The following COL12A1 variants were observed in gnomAD, a reference collection of about 807,000 sequenced individuals.
The protein encoded by COL12A1 is collagen alpha-1(XII) chain.
Under a neutral mutation model 349.7 loss-of-function variants are expected in COL12A1, and 114 were observed. The observed-to-expected ratio is 0.33, with a 90% CI of 0.28 to 0.38. COL12A1 has a LOEUF of 0.38. Ranked by LOEUF, COL12A1 falls within the 10% of genes least tolerant of loss-of-function variation. The probability of loss-of-function intolerance (pLI) is 1.00; values close to 1 mark genes in which losing one functional copy is unlikely to be tolerated. For missense variants in COL12A1, 3,284 were observed against 3,756.9 expected (o/e 0.87, Z 3.29); for synonymous variants, 1,369 against 1,329.0 (o/e 1.03, Z -0.66).
rs2149415452 is a variant in COL12A1 at position 75,151,252 on chromosome 6, T to C, written c.4036A>G (p.Ile1346Val). 1 of 1,613,354 alleles carries C rather than the reference T, an allele frequency of 6.2e-7. No homozygotes were observed. Among genetic ancestry groups the C allele is most frequent in the South Asian group, 1.1e-5 (1 of 91,058 alleles). Residue 1346 changes from isoleucine to valine, a missense_variant, in exon 21 of 66, where the codon ATT becomes GTT. Ile to Val is a conservative substitution (Grantham distance 29). Coordinates refer to ENST00000322507, the MANE Select transcript of COL12A1 (RefSeq NM_004370.6). ...KNADEVELKM[I>V]ATDPDDTHAY... ...TGGGTATCATCAGGATCAGTTGCAATCATCTTTAATTCGACTTCATCAGCA... is the reference window on the plus strand; with the variant it reads ...TGGGTATCATCAGGATCAGTTGCAACCATCTTTAATTCGACTTCATCAGCA...
intron 28 of COL12A1, 53 bp from the exon 29 acceptor site, chr6:75,138,633 A>G: frequency 6.2e-7 from 1 of 1,603,448 alleles, no homozygotes; most frequent in Non-Finnish European, 8.5e-7. Flanking sequence ...CTCCACTTAC[A>G]TCATACACAC....
intron 26 of COL12A1, among the ~76,000 whole-genome samples, chr6:75,142,493 T>A (rs1766949566): frequency 6.6e-6 from 1 of 152,238 alleles, no homozygotes; most frequent in Admixed American, 6.5e-5. Context: ...CAGCATTACT[T>A]CATTTGCTAT....
In COL12A1 at chr6:75,169,499, C is replaced by G. The variant is rs562911075; in HGVS notation, c.2711-3720G>C. Among the ~76,000 whole-genome samples, 14 of 152,312 alleles carry G rather than the reference C, an allele frequency of 9.2e-5. 1 individual carries two copies. Among genetic ancestry groups the G allele is most frequent in the African/African-American group, 3.4e-4 (14 of 41,572 alleles). On this transcript the variant is annotated intron_variant, in intron 13 of 65. Transcript: ENST00000322507. ...TCACTACCTTTCCCTGAACCTAGAT[C>G]TACTTTTGCTCTAGCAGAGGCTCCC... is the stretch of plus-strand genomic sequence containing the variant.
Position 75,142,035 on chromosome 6 carries a change from T to C in COL12A1, c.4954A>G (p.Thr1652Ala). The C allele has an allele frequency of 2.5e-6, 4 of 1,614,058 alleles. No homozygotes were observed. Among genetic ancestry groups the C allele is most frequent in the Non-Finnish European group, 3.4e-6 (4 of 1,179,968 alleles). The change falls in exon 27 of 66, where the codon ACC becomes GCC. Residue 1652 changes from threonine (T) to alanine (A), a missense_variant. By Grantham distance (58) the Thr-to-Ala change is moderately conservative. Around this residue, in one of 2 missense-constraint regions of COL12A1, gnomAD observed 2,601 missense variants for 2,824.8 expected, o/e 0.92. Coordinates refer to ENST00000322507, the MANE Select transcript of COL12A1 (RefSeq NM_004370.6). The part of the protein sequence containing the change: ...ESPPVTAQET[T>A]RPVPAPTNLK... ...GTGGAGCAGGAGCACAACTCACGGG[T>C]AGTTTCTTGAGCAGTCACTGGAGGA...
intron 1 of COL12A1, among the ~76,000 whole-genome samples, chr6:75,203,484 C>T (rs1019361061): frequency 6.6e-6 from 1 of 152,076 alleles, no homozygotes; most frequent in African/African-American, 2.4e-5. Context: ...AATAAGGCAG[C>T]AAAATGGAAG....
rs147111006 is a variant in COL12A1 at position 75,183,297 on chromosome 6, G to A, written c.1644C>T (p.Ile548=). 6.2e-7 allele frequency: 1 copy of A among 1,614,180 alleles called. No individual in the cohort carries two copies. Among genetic ancestry groups the A allele is most frequent in the Non-Finnish European group, 8.5e-7 (1 of 1,180,022 alleles). The change falls in exon 10 of 66, where the codon ATC becomes ATT. Residue 548 remains isoleucine (I), a synonymous_variant. Coordinates refer to ENST00000322507, the MANE Select transcript of COL12A1 (RefSeq NM_004370.6). ...AAGCATCTGATGATTTCCCATCCGTGATAAGAATCATGACCTTTGGCACAT... is the reference window on the plus strand; with the variant it reads ...AAGCATCTGATGATTTCCCATCCGTAATAAGAATCATGACCTTTGGCACAT... ...RSNVPKVMIL[I]TDGKSSDAFR... is the part of the protein sequence containing the mutation.
rs780437089 is a variant in COL12A1 at position 75,202,752 on chromosome 6, G to A, written c.41C>T (p.Ala14Val). 12 of 1,551,820 alleles carry A rather than the reference G, an allele frequency of 7.7e-6. No individual in the cohort carries two copies. Among genetic ancestry groups the A allele is most frequent in the Middle Eastern group, 1.7e-4 (1 of 6,014 alleles). Residue 14 changes from alanine (A) to valine (V), a missense_variant, in exon 2 of 66, where the codon GCG (alanine) becomes GTG (valine). By Grantham distance (64) the Ala-to-Val change is moderately conservative. Transcript: ENST00000322507. ...CTCAATGGAAGACAGGAGCAGGGCC[G>A]CGCCCAGGGCGGCAAGCGCTGGGGG... ...RLPPALAALG[A>V]ALLLSSIEAE...
At chr6:75,086,578 T>G (rs568158007) in intron 65 of COL12A1, 21 bp from the exon 66 acceptor site, 1 of 1,594,112 alleles carries the variant, frequency 6.3e-7, no homozygotes, top group East Asian at 2.3e-5. Context: ...TCAAAGATGA[T>G]AGTTTTTAAA....
At chr6:75,121,537 C>T (rs907655717) in intron 43 of COL12A1, 96 bp from the exon 44 acceptor site, 26 of 1,343,390 alleles carry the variant, frequency 1.9e-5, no homozygotes, top group African/African-American at 4.4e-5. Flanking sequence ...CACCTTGCTA[C>T]GCAAAGTGTG....
intron 1 of COL12A1, among the ~76,000 whole-genome samples, chr6:75,203,569 T>G (rs1461270385): frequency 6.6e-6 from 1 of 152,212 alleles, no homozygotes. Flanking sequence ...TGTATTTAAC[T>G]GTTTATTTAA....
chr6:75,119,249 GTCA>G (rs1479137962), intron 45 of COL12A1, 63 bp from the exon 46 acceptor site: 1 of 1,611,818 alleles, frequency 6.2e-7, no homozygotes, highest in Non-Finnish European at 8.5e-7. Flanking sequence ...AATGCCATTA[GTCA>G]CACCCAACTG....
In COL12A1 at chr6:75,156,485, T is replaced by C; in HGVS notation, c.3022A>G (p.Thr1008Ala). ...DSKTLKVDEE[T>A]ENTMRVTWKP... Reference sequence around the variant, plus strand: ...CATGTAACTCTCATTGTGTTTTCTGTTTCTTCATCTACTTTCAGGGTTTTG... The same window carrying C: ...CATGTAACTCTCATTGTGTTTTCTGCTTCTTCATCTACTTTCAGGGTTTTG... Residue 1008 changes from threonine to alanine, a missense_variant, in exon 15 of 66, where the codon ACA becomes GCA. Thr to Ala is a moderately conservative substitution (Grantham distance 58, BLOSUM62 0). Around this residue, in one of 2 missense-constraint regions of COL12A1, gnomAD observed 2,601 missense variants for 2,824.8 expected, o/e 0.92. Coordinates refer to ENST00000322507, the MANE Select transcript of COL12A1 (RefSeq NM_004370.6). The C allele has an allele frequency of 6.2e-7, 1 of 1,613,792 alleles. No homozygotes were observed. Among genetic ancestry groups the C allele is most frequent in the Admixed American group, 1.7e-5 (1 of 59,912 alleles).
At chr6:75,101,156 G>A (rs1006399738) in intron 58 of COL12A1, among the ~76,000 whole-genome samples, 2 of 152,128 alleles carry the variant, frequency 1.3e-5, no homozygotes, top group African/African-American at 2.4e-5. Flanking sequence ...CCTAGAAGTG[G>A]TATTTGAGTT....
chr6:75,092,215 G>A (rs1053699066), intron 60 of COL12A1, among the ~76,000 whole-genome samples: 1 of 152,040 alleles, frequency 6.6e-6, no homozygotes, highest in African/African-American at 2.4e-5. Flanking sequence ...GGCTAGGGGA[G>A]GGATAACATT....
At chr6:75,204,240 C>G (rs1323615096) in intron 1 of COL12A1, among the ~76,000 whole-genome samples, 1 of 152,198 alleles carries the variant, frequency 6.6e-6, no homozygotes, top group Non-Finnish European at 1.5e-5. Flanking sequence ...GCCCATTGTT[C>G]CAATCATCTT....
intron 58 of COL12A1, among the ~76,000 whole-genome samples, chr6:75,097,691 A>G (rs1297845753): frequency 1.3e-5 from 2 of 152,222 alleles, no homozygotes; most frequent in East Asian, 1.9e-4. Flanking sequence ...GGAAAAGTCA[A>G]TGTCCACAGG....
At chr6:75,124,620 A>G (rs939266366) in intron 40 of COL12A1, among the ~76,000 whole-genome samples, 1 of 152,184 alleles carries the variant, frequency 6.6e-6, no homozygotes, top group African/African-American at 2.4e-5. Context: ...AAGAATTTCA[A>G]AAACATCTCA....
At chr6:75,131,187 T>A (rs138357632) in intron 35 of COL12A1, among the ~76,000 whole-genome samples, 5 of 152,186 alleles carry the variant, frequency 3.3e-5, no homozygotes, top group African/African-American at 1.2e-4. Context: ...AGTGACCTCA[T>A]CCTTGACCCT....
At chr6:75,171,610 C>T (rs1768638420) in intron 13 of COL12A1, among the ~76,000 whole-genome samples, 1 of 152,216 alleles carries the variant, frequency 6.6e-6, no homozygotes, top group Admixed American at 6.5e-5. Context: ...GGAAACATTC[C>T]TTCAAGTTCT....
Sources: gnomAD v4.1 joint callset for allele counts (sites outside exome capture counted in the v4.1 genomes callset) on GRCh38, gnomAD v4.1.1 for gene constraint, gnomAD v4.1.1 regional missense constraint, MANE v1.5 for transcripts, NCBI Gene and HGNC (gene_info 2026-07-23, HGNC 2026-07-21) for gene names.